The following RNF24 variants were observed in gnomAD, a reference collection of about 807,000 sequenced individuals.
RNF24 encodes the protein ring finger protein 24.
RNF24 carries 14 observed loss-of-function variants against 20.0 expected under a neutral mutation model. The ratio of observed to expected loss-of-function variants is 0.70; its 90% CI spans 0.46 to 1.10. The LOEUF is 1.10. RNF24 is among the 50% of genes least tolerant of loss of function. The pLI is 0.00. For synonymous variants in RNF24, 45 were observed against 61.1 expected, an observed-to-expected ratio of 0.74 and a Z score of 1.23; for missense variants, 124 against 177.6, an observed-to-expected ratio of 0.70 and a Z score of 1.71.
chr20:3,939,890 A>G (rs527909934), intron 4 of RNF24, among the ~76,000 whole-genome samples: 3 of 152,308 alleles, frequency 2.0e-5, no homozygotes, highest in South Asian at 4.1e-4. Context: ...AGTTTTCAGC[A>G]TATAAATCTG....
At chr20:3,966,120 C>G (rs1413739897) in intron 1 of RNF24, among the ~76,000 whole-genome samples, 1 of 107,726 alleles carries the variant, frequency 9.3e-6, no homozygotes, top group African/African-American at 3.8e-5. Flanking sequence ...GGTGACAGAG[C>G]GAGATTCCAT....
At chr20:3,966,824 A>T (rs1427177096) in intron 1 of RNF24, among the ~76,000 whole-genome samples, 2 of 152,220 alleles carry the variant, frequency 1.3e-5, no homozygotes, top group African/African-American at 2.4e-5. Context: ...ACTCAGACAC[A>T]CACAGCAGTA....
intron 1 of RNF24, among the ~76,000 whole-genome samples, chr20:3,972,967 C>T (rs1453646458): frequency 6.6e-6 from 1 of 151,776 alleles, no homozygotes; most frequent in Non-Finnish European, 1.5e-5. Context: ...CTTTGGGAGG[C>T]CGAGGCGGGT....
At chr20:3,979,338 AC>A (rs1225291324) in intron 1 of RNF24, among the ~76,000 whole-genome samples, 1 of 152,056 alleles carries the variant, frequency 6.6e-6, no homozygotes, top group Non-Finnish European at 1.5e-5. Context: ...AAAAAGATAA[AC>A]AAAAGGAAAC....
intron 2 of RNF24, among the ~76,000 whole-genome samples, chr20:3,949,288 G>A (rs1184317598): frequency 6.6e-6 from 1 of 152,254 alleles, no homozygotes; most frequent in East Asian, 1.9e-4. Context: ...GCTGAGGCAG[G>A]AGAATCACTT....
intron 1 of RNF24, among the ~76,000 whole-genome samples, chr20:3,979,578 G>A (rs996866754): frequency 6.6e-6 from 1 of 152,184 alleles, no homozygotes; most frequent in Non-Finnish European, 1.5e-5. Context: ...AGGAGGCTGA[G>A]GCAGGAGAAT....
At chr20:4,014,581 A>G (rs1264566310) in intron 1 of RNF24, among the ~76,000 whole-genome samples, 1 of 152,202 alleles carries the variant, frequency 6.6e-6, no homozygotes, top group Non-Finnish European at 1.5e-5. Context: ...AATGAATAAA[A>G]CCCACTGGTT....
chr20:4,012,138 C>T (rs548944840), intron 1 of RNF24, among the ~76,000 whole-genome samples: 2 of 152,152 alleles, frequency 1.3e-5, no homozygotes, highest in South Asian at 4.1e-4. Flanking sequence ...ATTGGCCGGG[C>T]GCGGTGGCTC....
In RNF24 at chr20:3,988,455, CTCTT is replaced by C. The variant is rs1231951263; in HGVS notation, c.-7-24435_-7-24432del. Among the ~76,000 whole-genome samples the C allele has an allele frequency of 2.3e-5, 3 of 130,716 alleles. No homozygotes were observed. In the East Asian group the frequency reaches 6.3e-4, roughly 28 times the overall value. The allele number at this position is 130,716 out of a possible 152,430, so 85.8% of individuals were successfully genotyped here. A position where few individuals can be genotyped will look rare whatever the true frequency, so the allele number is the denominator to read the frequency against. ...TATAGAGATGGCTCATGAAAAGAAA[CTCTT>C]TTTTTTTTTTTTTTTTTTGAGACAT... On this transcript the variant is annotated intron_variant, in intron 1 of 5. Coordinates refer to ENST00000358395, the MANE Select transcript of RNF24 (RefSeq NM_001134337.3).
intron 1 of RNF24, among the ~76,000 whole-genome samples, chr20:4,000,247 G>A (rs1346128031): frequency 1.3e-5 from 2 of 152,212 alleles, no homozygotes; most frequent in African/African-American, 4.8e-5. Flanking sequence ...TTAATGGCCA[G>A]ATGTGGTGGC....
chr20:3,973,488 T>A, intron 1 of RNF24, among the ~76,000 whole-genome samples: 1 of 62,970 alleles, frequency 1.6e-5, no homozygotes, highest in Admixed American at 2.5e-4. Flanking sequence ...GACAAATCTC[T>A]AGGAAGAATG....
intron 1 of RNF24, among the ~76,000 whole-genome samples, chr20:3,964,525 T>C (rs1055251587): frequency 3.5e-5 from 4 of 115,862 alleles, no homozygotes; most frequent in Non-Finnish European, 8.7e-5. Flanking sequence ...TTTCAAGTAA[T>C]TTTTTTTTTC....
chr20:3,931,673 C>T lies in RNF24; in HGVS notation c.*2390G>A, dbSNP rs989631647. Reference sequence around the variant, plus strand: ...AGAAAAAGTACTCTCACTGTTCCAGCTTCCAGCCCAATCCTAGCAGAATGA... The same window carrying T: ...AGAAAAAGTACTCTCACTGTTCCAGTTTCCAGCCCAATCCTAGCAGAATGA... On this transcript the variant is annotated 3_prime_UTR_variant, in exon 6 of 6. Transcript: ENST00000358395. 3 of 152,250 alleles carry T rather than the reference C, an allele frequency of 2.0e-5. No homozygotes were observed. Among genetic ancestry groups the T allele is most frequent in the Admixed American group, 2.0e-4 (3 of 15,284 alleles). 9.4% of individuals were successfully genotyped at this position (152,250 alleles called of 1,614,324 possible). A position where few individuals can be genotyped will look rare whatever the true frequency, so the allele number is the denominator to read the frequency against.
intron 1 of RNF24, among the ~76,000 whole-genome samples, chr20:4,006,080 G>A (rs1981844888): frequency 1.3e-5 from 2 of 152,246 alleles, no homozygotes; most frequent in South Asian, 4.1e-4. Flanking sequence ...ACCTTCTATA[G>A]AATCTATGGT....
At chr20:3,993,066 C>T (rs1462595461) in intron 1 of RNF24, among the ~76,000 whole-genome samples, 1 of 152,046 alleles carries the variant, frequency 6.6e-6, no homozygotes, top group Non-Finnish European at 1.5e-5. Flanking sequence ...AACTGGAGAA[C>T]CTTTTTTTTC....
At position 3,930,419 on chromosome 20, in the gene RNF24, C is replaced by G. The variant is rs1051268727; in HGVS notation, c.*3644G>C. 6.6e-6 allele frequency: 1 copy of G among 152,126 alleles called. No homozygotes were observed. Among genetic ancestry groups the G allele is most frequent in the Non-Finnish European group, 1.5e-5 (1 of 68,068 alleles). The allele number at this position is 152,126 out of a possible 1,614,324, so 9.4% of individuals were successfully genotyped here. A position where few individuals can be genotyped will look rare whatever the true frequency, so the allele number is the denominator to read the frequency against. On this transcript the variant is annotated 3_prime_UTR_variant, in exon 6 of 6. Coordinates refer to ENST00000358395, the MANE Select transcript of RNF24 (RefSeq NM_001134337.3). Reference sequence around the variant, plus strand: ...TAACCCAGATGATGTTATGTGGTATCAGCAGCCCCCATGACACCAGGCCTG... The same window carrying G: ...TAACCCAGATGATGTTATGTGGTATGAGCAGCCCCCATGACACCAGGCCTG...
At chr20:3,968,304 G>GA (rs370223999) in intron 1 of RNF24, among the ~76,000 whole-genome samples, 25 of 135,644 alleles carry the variant, frequency 1.8e-4, no homozygotes, top group African/African-American at 5.2e-4. Context: ...CATCTCAAAG[G>GA]AAAAAAAAAA....
rs191822182 is a variant in RNF24, at chr20:3,931,753, C to A, written c.*2310G>T. ...TGTGCTGAGAAGGTTGTTAGTGGTC[C>A]CTCATCTGGGCAAAGCAGACCCAAG... On this transcript the variant is annotated 3_prime_UTR_variant, in exon 6 of 6. Coordinates refer to ENST00000358395, the MANE Select transcript of RNF24 (RefSeq NM_001134337.3). 6.6e-6 allele frequency: 1 copy of A among 152,186 alleles called. No individual in the cohort carries two copies. The highest frequency in any genetic ancestry group is 2.4e-5 in the African/African-American group (1 of 41,440). 9.4% of individuals were successfully genotyped at this position (152,186 alleles called of 1,614,324 possible). A position where few individuals can be genotyped will look rare whatever the true frequency, so the allele number is the denominator to read the frequency against.
intron 4 of RNF24, among the ~76,000 whole-genome samples, chr20:3,942,173 ATT>A (rs35759811): frequency 5.5e-5 from 8 of 145,552 alleles, no homozygotes; most frequent in African/African-American, 1.5e-4. Context: ...TCAGAAAAAT[ATT>A]TTTTTTTTTT....
Sources: allele counts gnomAD v4.1 joint callset (sites outside exome capture counted in the v4.1 genomes callset), GRCh38; gene constraint gnomAD v4.1.1; transcripts MANE v1.5; gene names NCBI Gene and HGNC (gene_info 2026-07-23, HGNC 2026-07-21).